The following THUMPD2 variants were observed in gnomAD, a reference collection of about 807,000 sequenced individuals.
THUMPD2 encodes the protein U6 snRNA (guanine-N(2))-methyltransferase THUMPD2.
THUMPD2 carries 56 observed loss-of-function variants against 49.4 expected under a neutral mutation model. That is an observed-to-expected ratio of 1.13 (90% CI 0.91 to 1.41). The LOEUF is 1.41. Among genes scored for constraint, THUMPD2 ranks in the 40% most tolerant of loss-of-function variants. THUMPD2 has a pLI of 0.00. For missense variants in THUMPD2, 709 were observed against 594.5 expected (o/e 1.19, Z -2.00); for synonymous variants, 237 against 205.2 (o/e 1.15, Z -1.32).
intron 9 of THUMPD2, among the ~76,000 whole-genome samples, chr2:39,744,098 C>T (rs1674267512): frequency 6.6e-6 from 1 of 151,008 alleles, no homozygotes; most frequent in Non-Finnish European, 1.5e-5. Context: ...TGCTTCAGAC[C>T]ACTGACTGAA....
chr2:39,739,924 C>A (rs925073519), intron 9 of THUMPD2, among the ~76,000 whole-genome samples: 1 of 152,130 alleles, frequency 6.6e-6, no homozygotes, highest in Non-Finnish European at 1.5e-5. Context: ...ATGTACATAA[C>A]CTTTGACCCA....
chr2:39,774,910 T>G (rs1433246157), intron 1 of THUMPD2, among the ~76,000 whole-genome samples: 1 of 152,216 alleles, frequency 6.6e-6, no homozygotes, highest in Non-Finnish European at 1.5e-5. Flanking sequence ...ACAGCTCTAT[T>G]ATCTGCTAGC....
At chr2:39,758,220 C>T (rs1162351694) in intron 6 of THUMPD2, among the ~76,000 whole-genome samples, 1 of 152,088 alleles carries the variant, frequency 6.6e-6, no homozygotes, top group Non-Finnish European at 1.5e-5. Context: ...AAACCACTGG[C>T]AGTTTGGGAA....
At position 39,766,083 on chromosome 2, in the gene THUMPD2, G is replaced by C; in HGVS notation, c.777C>G (p.Tyr259Ter). The change falls in exon 5 of 10, where the codon TAC becomes TAG. Residue 259 changes from tyrosine (Y) to a stop codon, truncating the protein, a stop_gained. Transcript: ENST00000505747. LOFTEE classifies it high-confidence loss of function. ...TGAACACAGGAATCCCCACCACAGA[G>C]TAAATGTCATTTAGATGTATAAAGA... ...LEIFIHLNDIYSVVGIPVFRV... is the reference protein window; with the variant it reads ...LEIFIHLNDI 2 of 1,585,744 alleles carry C rather than the reference G, an allele frequency of 1.3e-6. No individual in the cohort carries two copies. The highest frequency in any genetic ancestry group is 2.3e-5 in the South Asian group (2 of 85,520).
At chr2:39,772,148 G>T (rs1437407696) in intron 1 of THUMPD2, among the ~76,000 whole-genome samples, 1 of 152,214 alleles carries the variant, frequency 6.6e-6, no homozygotes, top group Non-Finnish European at 1.5e-5. Context: ...AATCCTGTAA[G>T]ATTTGAGAAG....
chr2:39,743,013 A>G (rs967248509), intron 9 of THUMPD2, among the ~76,000 whole-genome samples: 1 of 152,316 alleles, frequency 6.6e-6, no homozygotes, highest in Non-Finnish European at 1.5e-5. Context: ...AGTTGCTTAG[A>G]AATAAGATAA....
At chr2:39,771,041 T>C (rs1321135372) in intron 2 of THUMPD2, among the ~76,000 whole-genome samples, 1 of 151,846 alleles carries the variant, frequency 6.6e-6, no homozygotes, top group Non-Finnish European at 1.5e-5. Context: ...GCTTGGTAAG[T>C]GGGCATAAGT....
At chr2:39,756,882 T>C (rs1489344386) in intron 6 of THUMPD2, among the ~76,000 whole-genome samples, 2 of 150,826 alleles carry the variant, frequency 1.3e-5, no homozygotes, top group East Asian at 2.0e-4. Flanking sequence ...AATATTTCCA[T>C]GACACTTAGT....
intron 9 of THUMPD2, among the ~76,000 whole-genome samples, chr2:39,741,728 G>A (rs1210058123): frequency 1.3e-5 from 2 of 152,124 alleles, no homozygotes; most frequent in Non-Finnish European, 2.9e-5. Flanking sequence ...CTTTCTCGAA[G>A]AGTCCAGCTC....
intron 9 of THUMPD2, among the ~76,000 whole-genome samples, chr2:39,739,984 A>G: frequency 6.6e-6 from 1 of 152,176 alleles, no homozygotes. Flanking sequence ...TAGTAGTAGT[A>G]GTAGAATAAC....
In THUMPD2 at chr2:39,737,055, G is replaced by T. The variant is rs778424635; in HGVS notation, c.1192C>A (p.Leu398Ile). Residue 398 changes from leucine (L) to isoleucine (I), a missense_variant, in exon 10 of 10, where the codon CTT (leucine) becomes ATT (isoleucine). By Grantham distance (5) the Leu-to-Ile change is conservative (BLOSUM62 2). Transcript: ENST00000505747. ...KSILQEMERV[L>I]HVGGTIVLLL... ...AATACAATGGTTCCGCCAACATGAA[G>T]CACTCTGTGACAAAAAAAAAATGGT... 6 of 1,598,080 alleles carry T rather than the reference G, an allele frequency of 3.8e-6. No homozygotes were observed. The African/African-American group carries it at 6.7e-5, about 18-fold the overall frequency.
chr2:39,759,153 T>C (rs570357884), intron 6 of THUMPD2, among the ~76,000 whole-genome samples: 15 of 152,026 alleles, frequency 9.9e-5, no homozygotes, highest in South Asian at 4.1e-4. Flanking sequence ...ATGTTCATAA[T>C]AGGAATTTCA....
chr2:39,755,749 A>G lies in THUMPD2; in HGVS notation c.963+140T>C, dbSNP rs555367533. On this transcript the variant is annotated intron_variant, in intron 7 of 9. Coordinates refer to ENST00000505747, the MANE Select transcript of THUMPD2 (RefSeq NM_025264.5). ...ATAGCAATTTCATTAGTCCCTCATC[A>G]TCTATTTTGAGTAAATAATAACTCA... 3.2e-5 allele frequency: 17 copies of G among 534,252 alleles called. No individual in the cohort carries two copies. The East Asian group carries it at 6.0e-4, about 19-fold the overall frequency. 33.1% of individuals were successfully genotyped at this position (534,252 alleles called of 1,614,324 possible).
At chr2:39,747,583 T>C (rs987698726) in intron 8 of THUMPD2, among the ~76,000 whole-genome samples, 1 of 152,194 alleles carries the variant, frequency 6.6e-6, no homozygotes, top group Non-Finnish European at 1.5e-5. Flanking sequence ...GAAATATTTA[T>C]TATCCAATAA....
In THUMPD2 at chr2:39,767,587, G is replaced by A. The variant is rs1316959150; in HGVS notation, c.750+837C>T. Among the ~76,000 whole-genome samples, 5 of 112,116 alleles carry A rather than the reference G, an allele frequency of 4.5e-5. No individual in the cohort carries two copies. In the South Asian group the frequency reaches 8.8e-4, roughly 20 times the overall value. 73.6% of individuals were successfully genotyped at this position (112,116 alleles called of 152,430 possible). A position where few individuals can be genotyped will look rare whatever the true frequency, so the allele number is the denominator to read the frequency against. On this transcript the variant is annotated intron_variant, in intron 4 of 9. Coordinates refer to ENST00000505747, the MANE Select transcript of THUMPD2 (RefSeq NM_025264.5). Reference sequence around the variant, plus strand: ...CCACTGCACTCCAGCCTGGGCGACAGAGCGAGACTCCGTCTCAAAAAAAAA... The same window carrying A: ...CCACTGCACTCCAGCCTGGGCGACAAAGCGAGACTCCGTCTCAAAAAAAAA...
intron 8 of THUMPD2, among the ~76,000 whole-genome samples, chr2:39,749,498 A>G (rs1003193021): frequency 5.3e-5 from 8 of 152,250 alleles, no homozygotes; most frequent in African/African-American, 1.9e-4. Context: ...CTAAAGGGAA[A>G]GTCATACTTC....
At chr2:39,749,096 A>G (rs568380493) in intron 8 of THUMPD2, among the ~76,000 whole-genome samples, 3 of 152,302 alleles carry the variant, frequency 2.0e-5, no homozygotes, top group Admixed American at 2.0e-4. Flanking sequence ...ATTAAATTTC[A>G]AGTGCATTTC....
At position 39,779,248 on chromosome 2, in the gene THUMPD2, A is replaced by C. The variant is rs1006509055; in HGVS notation, c.-9T>G. ...CCACGCGCCTCCGACATGGCGGCTC[A>C]GGCGCGCCCTCGCGCCTTCGGGTCA... On this transcript the variant is annotated 5_prime_UTR_variant, in exon 1 of 10. Transcript: ENST00000505747. 16 of 1,482,602 alleles carry C rather than the reference A, an allele frequency of 1.1e-5. No homozygotes were observed. The African/African-American group carries it at 2.1e-4, about 19-fold the overall frequency. 91.8% of individuals were successfully genotyped at this position (1,482,602 alleles called of 1,614,324 possible).
At chr2:39,743,498 CCA>C (rs1193999568) in intron 9 of THUMPD2, among the ~76,000 whole-genome samples, 1 of 152,086 alleles carries the variant, frequency 6.6e-6, no homozygotes, top group Admixed American at 6.5e-5. Context: ...AATTTGATCC[CCA>C]GTGTTGGAGA....
Sources: allele counts gnomAD v4.1 joint callset (sites outside exome capture counted in the v4.1 genomes callset), GRCh38; gene constraint gnomAD v4.1.1; transcripts MANE v1.5; gene names NCBI Gene and HGNC (gene_info 2026-07-23, HGNC 2026-07-21).